The following SLC12A4 variants were observed in gnomAD, a reference collection of about 807,000 sequenced individuals.
The protein encoded by SLC12A4 is electroneutral potassium-chloride cotransporter 1.
Under a neutral mutation model 119.2 loss-of-function variants are expected in SLC12A4, and 84 were observed. That is an observed-to-expected ratio of 0.70 (90% CI 0.59 to 0.85). The LOEUF is 0.85. SLC12A4 is among the 40% of genes least tolerant of loss of function. The pLI, the probability that SLC12A4 is intolerant of heterozygous loss-of-function variation, is 0.00. For missense variants in SLC12A4, 1,298 were observed against 1,476.3 expected (o/e 0.88, Z 1.98); for synonymous variants, 599 against 604.6 (o/e 0.99, Z 0.14).
chr16:67,954,802 G>C (rs779435520), intron 5 of SLC12A4, 29 bp from the exon 6 acceptor site: 1 of 1,613,326 alleles, frequency 6.2e-7, no homozygotes, highest in Non-Finnish European at 8.5e-7. Flanking sequence ...AGTGTGCACA[G>C]GTCAAGGCTG....
chr16:67,952,447 G>A (rs1251202806), intron 6 of SLC12A4, 22 bp from the exon 7 acceptor site: 1 of 1,611,594 alleles, frequency 6.2e-7, no homozygotes, highest in African/African-American at 1.3e-5. Flanking sequence ...AGATGGATAA[G>A]GAGGGTTTTA....
Position 67,945,362 on chromosome 16 carries a change from C to T in SLC12A4, c.3032+7G>A, listed in dbSNP as rs962736022. On this transcript the variant is annotated splice_region_variant and intron_variant, in intron 22 of 23. Coordinates refer to ENST00000316341, the MANE Select transcript of SLC12A4 (RefSeq NM_005072.5). Reference sequence around the variant, plus strand: ...AGTGCCGCTGGGGCTGTTTTTGCTGCACTCACGGCTTAATGTGCACCAGCT... The same window carrying T: ...AGTGCCGCTGGGGCTGTTTTTGCTGTACTCACGGCTTAATGTGCACCAGCT... 20 of 1,609,990 alleles carry T rather than the reference C, an allele frequency of 1.2e-5. No homozygotes were observed. Among genetic ancestry groups the T allele is most frequent in the Non-Finnish European group, 1.5e-5 (18 of 1,177,330 alleles).
chr16:67,944,165 G>T lies in SLC12A4; in HGVS notation c.*675C>A. The T allele has an allele frequency of 6.6e-7, 1 of 1,521,112 alleles. No homozygotes were observed. The highest frequency in any genetic ancestry group is 8.9e-7 in the Non-Finnish European group (1 of 1,127,100). 94.2% of individuals were successfully genotyped at this position (1,521,112 alleles called of 1,614,324 possible). On this transcript the variant is annotated 3_prime_UTR_variant, in exon 24 of 24. Coordinates refer to ENST00000316341, the MANE Select transcript of SLC12A4 (RefSeq NM_005072.5). This position sits in a 1 kb window ranked among gnomAD's most constrained non-coding sequence, Gnocchi z 6.6. The stretch of plus-strand genomic sequence containing the variant: ...GGCTGTCCTTATCTGGTGTGGGAGT[G>T]GGAGGGGCCCTAGGGCCAGTGGGAG...
At chr16:67,965,794 T>C (rs2151341575) in intron 1 of SLC12A4, among the ~76,000 whole-genome samples, 1 of 152,190 alleles carries the variant, frequency 6.6e-6, no homozygotes, top group East Asian at 1.9e-4. Flanking sequence ...AAGTTGTCTC[T>C]AGTTCTCACA....
At position 67,954,788 on chromosome 16, in the gene SLC12A4, T is replaced by C; in HGVS notation, c.545-15A>G. On this transcript the variant is annotated splice_polypyrimidine_tract_variant and intron_variant, in intron 5 of 23. Coordinates refer to ENST00000316341, the MANE Select transcript of SLC12A4 (RefSeq NM_005072.5). ...GGAGCCCCCAGCTACAGCAGAGAAA[T>C]GAAAGTGTGCACAGGTCAAGGCTGG... 1 of 1,613,900 alleles carries C rather than the reference T, an allele frequency of 6.2e-7. No homozygotes were observed. Among genetic ancestry groups the C allele is most frequent in the South Asian group, 1.1e-5 (1 of 91,070 alleles).
At chr16:67,957,679 G>C (rs1213711513) in intron 5 of SLC12A4, 63 bp downstream of exon 5, 2 of 1,594,530 alleles carry the variant, frequency 1.3e-6, no homozygotes, top group Non-Finnish European at 1.7e-6. Flanking sequence ...GGGTTCCCAG[G>C]TAGGTCAAGG....
rs1451046908 is a variant in SLC12A4, at chr16:67,948,112, T to C, written c.1796A>G (p.Gln599Arg). ...CCAGTTGGGGGTCCTCAGGAGTGTC[T>C]GCACCGCACAGGCGAGGTTCACGAA... ...YLFVNLACAV[Q>R]TLLRTPNWRP... is the part of the protein sequence containing the mutation. The change falls in exon 14 of 24, where the codon CAG (glutamine) becomes CGG (arginine). Residue 599 changes from glutamine to arginine, a missense_variant. Coordinates refer to ENST00000316341, the MANE Select transcript of SLC12A4 (RefSeq NM_005072.5). The C allele has an allele frequency of 2.5e-6, 4 of 1,613,248 alleles. No homozygotes were observed. The highest frequency in any genetic ancestry group is 3.4e-6 in the Non-Finnish European group (4 of 1,180,008).
intron 1 of SLC12A4, chr16:67,964,076 C>A (rs1194296186): frequency 1.8e-5 from 28 of 1,536,366 alleles, no homozygotes; most frequent in Non-Finnish European, 2.3e-5. Context: ...GCGCGGGGGG[C>A]GTCCTGCAGG....
intron 1 of SLC12A4, among the ~76,000 whole-genome samples, chr16:67,965,609 A>G (rs1296757123): frequency 1.3e-5 from 2 of 152,192 alleles, no homozygotes; most frequent in African/African-American, 4.8e-5. Flanking sequence ...CTCATGTACT[A>G]CAGCCTGCCC....
intron 13 of SLC12A4, among the ~76,000 whole-genome samples, chr16:67,948,788 A>C (rs997677751): frequency 6.6e-6 from 1 of 152,158 alleles, no homozygotes; most frequent in Non-Finnish European, 1.5e-5. Flanking sequence ...GTCACCACCC[A>C]AGATGGCTGT....
At position 67,949,829 on chromosome 16, in the gene SLC12A4, G is replaced by A; in HGVS notation, c.1719C>T (p.Ser573=). 6.2e-7 allele frequency: 1 copy of A among 1,610,916 alleles called. No individual in the cohort carries two copies. The stretch of plus-strand genomic sequence containing the variant: ...ATAAGATGGGGGCCACCATGTCGAG[G>A]GAGGCGATGAGGATGCCCAGCTCGG... ...LIAELGILIA[S]LDMVAPILSM... The change falls in exon 13 of 24, where the codon TCC becomes TCT. Residue 573 remains serine, a synonymous_variant. Transcript: ENST00000316341. The surrounding 1 kb of genome is among the most constrained non-coding windows in gnomAD (Gnocchi z 4.6).
chr16:67,945,582 G>A (rs1333836118), intron 21 of SLC12A4, 29 bp from the exon 22 acceptor site: 3 of 1,602,928 alleles, frequency 1.9e-6, no homozygotes, highest in Admixed American at 3.4e-5. Context: ...GATAGCCTTG[G>A]TCCCATAGGA....
At position 67,943,586 on chromosome 16, in the gene SLC12A4, G is replaced by C. The variant is rs2058307011; in HGVS notation, c.*1254C>G. ...CATGGATGGGCCTCTCCTGCTCACC[G>C]ATCCTGGGCTGGGCATCTTGTCCTT... On this transcript the variant is annotated 3_prime_UTR_variant, in exon 24 of 24. Coordinates refer to ENST00000316341, the MANE Select transcript of SLC12A4 (RefSeq NM_005072.5). This position sits in a 1 kb window ranked among gnomAD's most constrained non-coding sequence, Gnocchi z 4.6. 6.0e-6 allele frequency: 3 copies of C among 504,172 alleles called. No homozygotes were observed. In the East Asian group the frequency reaches 1.1e-4, roughly 18 times the overall value. 31.2% of individuals were successfully genotyped at this position (504,172 alleles called of 1,614,324 possible).
In SLC12A4 at chr16:67,949,878, G is replaced by A. The variant is rs757884528; in HGVS notation, c.1670C>T (p.Ala557Val). Residue 557 changes from alanine to valine, a missense_variant, in exon 13 of 24, where the codon GCA becomes GTA. Coordinates refer to ENST00000316341, the MANE Select transcript of SLC12A4 (RefSeq NM_005072.5). This position sits in a 1 kb window ranked among gnomAD's most constrained non-coding sequence, Gnocchi z 4.6. The stretch of plus-strand genomic sequence containing the variant: ...GGCGATGAGTGCCGTCAGGAGGAGT[G>A]CCCATGTGGGTTCACCATTCACCTT... ...HGKVNGEPTW[A>V]LLLTALIAEL... 5 of 1,610,612 alleles carry A rather than the reference G, an allele frequency of 3.1e-6. No individual in the cohort carries two copies. The highest frequency in any genetic ancestry group is 4.2e-6 in the Non-Finnish European group (5 of 1,178,768).
chr16:67,944,386 C>A lies in SLC12A4; in HGVS notation c.*454G>T. On this transcript the variant is annotated 3_prime_UTR_variant, in exon 24 of 24. Coordinates refer to ENST00000316341, the MANE Select transcript of SLC12A4 (RefSeq NM_005072.5). The surrounding 1 kb of genome is among the most constrained non-coding windows in gnomAD (Gnocchi z 6.6). The stretch of plus-strand genomic sequence containing the variant: ...AGGCCTCAGCTCAGCTGTCTCCATT[C>A]GGCTCAGCTTGGTGGGGGGCCCTGC... 2 of 1,321,014 alleles carry A rather than the reference C, an allele frequency of 1.5e-6. No individual in the cohort carries two copies. The allele number at this position is 1,321,014 out of a possible 1,614,324, so 81.8% of individuals were successfully genotyped here.
In SLC12A4 at chr16:67,963,831, G is replaced by A. The variant is rs528422947; in HGVS notation, c.116-272C>T. The A allele has an allele frequency of 1.9e-3, 2,757 of 1,459,040 alleles. 28 individuals are homozygous for A. The highest frequency in any genetic ancestry group is 0.015 in the South Asian group (1,147 of 78,630). 90.4% of individuals were successfully genotyped at this position (1,459,040 alleles called of 1,614,324 possible). On this transcript the variant is annotated intron_variant, in intron 1 of 23. Coordinates refer to ENST00000316341, the MANE Select transcript of SLC12A4 (RefSeq NM_005072.5). The stretch of plus-strand genomic sequence containing the variant: ...AGGCGCCCTAGCACAAGCACGTATG[G>A]ACACTGAGGGACGGGGCCTGCAGAG...
chr16:67,953,530 G>C (rs999937683), intron 6 of SLC12A4, among the ~76,000 whole-genome samples: 1 of 152,238 alleles, frequency 6.6e-6, no homozygotes, highest in Non-Finnish European at 1.5e-5. Context: ...TGGTTGCCAG[G>C]GCTGGCGGGG....
Position 67,947,751 on chromosome 16 carries a change from G to C in SLC12A4, c.1885C>G (p.Leu629Val), listed in dbSNP as rs1037763585. Reference sequence around the variant, plus strand: ...TAGTACCAGGAGGAGACAAACATAAGGGCCAGGCAGAGACTCATGCCCAGG... The same window carrying C: ...TAGTACCAGGAGGAGACAAACATAACGGCCAGGCAGAGACTCATGCCCAGG... Reference protein sequence around the residue: ...SFLGMSLCLALMFVSSWYYAL... With the variant: ...SFLGMSLCLAVMFVSSWYYAL... Residue 629 changes from leucine to valine, a missense_variant, in exon 15 of 24, where the codon CTT becomes GTT. Leu to Val is a conservative substitution (Grantham distance 32). Coordinates refer to ENST00000316341, the MANE Select transcript of SLC12A4 (RefSeq NM_005072.5). 6.2e-7 allele frequency: 1 copy of C among 1,600,370 alleles called. No homozygotes were observed. Among genetic ancestry groups the C allele is most frequent in the African/African-American group, 1.3e-5 (1 of 74,594 alleles).
intron 21 of SLC12A4, 98 bp from the exon 22 acceptor site, chr16:67,945,651 C>G (rs761502183): frequency 6.6e-7 from 1 of 1,510,498 alleles, no homozygotes; most frequent in Non-Finnish European, 9.0e-7. Context: ...GAAATGAGCA[C>G]TAGCTTGGGT....
Sources: gnomAD v4.1 joint callset for allele counts (sites outside exome capture counted in the v4.1 genomes callset) on GRCh38, gnomAD v4.1.1 for gene constraint, Gnocchi (gnomAD v3.1) non-coding constraint, MANE v1.5 for transcripts, NCBI Gene and HGNC (gene_info 2026-07-23, HGNC 2026-07-21) for gene names.